The following NKAIN2 variants were observed in gnomAD, a reference collection of about 807,000 sequenced individuals.
NKAIN2 encodes sodium/potassium-transporting ATPase subunit beta-1-interacting protein 2.
In NKAIN2, 14 loss-of-function variants were observed where a neutral mutation model predicts 32.6. The ratio of observed to expected loss-of-function variants is 0.43; its 90% confidence interval spans 0.28 to 0.67. The LOEUF is 0.67. Ranked by LOEUF, NKAIN2 falls within the 30% of genes least tolerant of loss-of-function variation. The probability of loss-of-function intolerance (pLI) is 0.17; values close to 1 mark genes in which losing one functional copy is unlikely to be tolerated. For missense variants in NKAIN2, 198 were observed against 258.3 expected, an observed-to-expected ratio of 0.77 and a Z score of 1.60; for synonymous variants, 80 against 87.2, an observed-to-expected ratio of 0.92 and a Z score of 0.46.
chr6:123,876,182 T>A (rs919023227), intron 1 of NKAIN2, among the ~76,000 whole-genome samples: 2 of 152,202 alleles, frequency 1.3e-5, no homozygotes, highest in African/African-American at 4.8e-5. Context: ...GAAGTCTGTC[T>A]GCTCATACAT....
At chr6:124,550,680 T>C (rs1197413300) in intron 3 of NKAIN2, among the ~76,000 whole-genome samples, 1 of 152,116 alleles carries the variant, frequency 6.6e-6, no homozygotes, top group African/African-American at 2.4e-5. Flanking sequence ...GCAGGAATAG[T>C]GATGCTTTTA....
chr6:124,370,934 A>G (rs929364313), intron 3 of NKAIN2, among the ~76,000 whole-genome samples: 3 of 152,102 alleles, frequency 2.0e-5, no homozygotes, highest in African/African-American at 7.2e-5. Flanking sequence ...CTCTGGTTTT[A>G]TGAGTACAAG....
intron 1 of NKAIN2, among the ~76,000 whole-genome samples, chr6:123,996,649 T>C (rs1779631804): frequency 6.6e-6 from 1 of 152,172 alleles, no homozygotes. Flanking sequence ...CTTTGCCTTA[T>C]TTATATTTTG....
chr6:124,522,661 A>G (rs573910543), intron 3 of NKAIN2, among the ~76,000 whole-genome samples: 14 of 152,266 alleles, frequency 9.2e-5, no homozygotes, highest in African/African-American at 3.1e-4. Flanking sequence ...ATTTTATCTT[A>G]TATATGAGTT....
chr6:124,110,703 G>C (rs146829199), intron 1 of NKAIN2, among the ~76,000 whole-genome samples: 8 of 152,080 alleles, frequency 5.3e-5, no homozygotes, highest in South Asian at 4.2e-4. Context: ...ATCTGCATCC[G>C]TGTTGCTGCA....
intron 5 of NKAIN2, among the ~76,000 whole-genome samples, chr6:124,807,346 T>C (rs1414876218): frequency 8.0e-5 from 12 of 150,242 alleles, no homozygotes; most frequent in East Asian, 3.9e-4. Flanking sequence ...CACTCAAAAC[T>C]GCTCAACTAC....
intron 2 of NKAIN2, among the ~76,000 whole-genome samples, chr6:124,330,680 A>T (rs551809910): frequency 6.6e-6 from 1 of 152,282 alleles, no homozygotes; most frequent in African/African-American, 2.4e-5. Context: ...AAAGGAACAC[A>T]TGGGATGTTC....
chr6:124,075,632 G>C (rs911171101), intron 1 of NKAIN2, among the ~76,000 whole-genome samples: 1 of 152,120 alleles, frequency 6.6e-6, no homozygotes, highest in Non-Finnish European at 1.5e-5. Context: ...GTCTTGATGT[G>C]TTGGCCAGCC....
chr6:124,084,200 T>C (rs1437278051), intron 1 of NKAIN2, among the ~76,000 whole-genome samples: 1 of 151,950 alleles, frequency 6.6e-6, no homozygotes, highest in Non-Finnish European at 1.5e-5. Flanking sequence ...ACATTATATC[T>C]CTTGTATCTC....
At chr6:124,448,160 A>C (rs917706232) in intron 3 of NKAIN2, among the ~76,000 whole-genome samples, 2 of 152,082 alleles carry the variant, frequency 1.3e-5, no homozygotes, top group Non-Finnish European at 2.9e-5. Context: ...CTGTAAAATG[A>C]AGCATTGGAA....
intron 1 of NKAIN2, among the ~76,000 whole-genome samples, chr6:124,156,850 T>A (rs1286158306): frequency 6.6e-6 from 1 of 151,954 alleles, no homozygotes; most frequent in East Asian, 1.9e-4. Context: ...ACCCCTGTAA[T>A]CCCAGCACTT....
intron 5 of NKAIN2, among the ~76,000 whole-genome samples, chr6:124,803,767 T>A (rs76623367): frequency 0.011 from 1,599 of 152,282 alleles, 26 homozygotes; most frequent in African/African-American, 0.037. Context: ...CTTTTGAGCC[T>A]TGTCTCCATC....
chr6:124,289,724 C>T (rs1795715524), intron 2 of NKAIN2, among the ~76,000 whole-genome samples: 1 of 152,100 alleles, frequency 6.6e-6, no homozygotes, highest in Non-Finnish European at 1.5e-5. Context: ...TCTCCATTTT[C>T]CAGGTCATAT....
chr6:123,973,158 C>T (rs1224292029), intron 1 of NKAIN2, among the ~76,000 whole-genome samples: 1 of 152,084 alleles, frequency 6.6e-6, no homozygotes, highest in Non-Finnish European at 1.5e-5. Context: ...GCTGTTCTCT[C>T]CCTAATATAT....
intron 2 of NKAIN2, among the ~76,000 whole-genome samples, chr6:124,301,467 A>G (rs1796290198): frequency 6.6e-6 from 1 of 152,042 alleles, no homozygotes; most frequent in African/African-American, 2.4e-5. Context: ...AGCTGTGAGA[A>G]GAAGGCCACC....
intron 1 of NKAIN2, among the ~76,000 whole-genome samples, chr6:124,152,687 A>G (rs962284599): frequency 1.3e-4 from 20 of 151,992 alleles, no homozygotes; most frequent in African/African-American, 4.3e-4. Context: ...ACGAAAATCA[A>G]TATATTGAAG....
At chr6:124,243,063 A>G (rs1793198134) in intron 1 of NKAIN2, among the ~76,000 whole-genome samples, 1 of 151,222 alleles carries the variant, frequency 6.6e-6, no homozygotes, top group South Asian at 2.1e-4. Context: ...CCAAGGGCGG[A>G]GTAAAAGGAG....
At chr6:124,612,438 A>C (rs1309017374) in intron 3 of NKAIN2, among the ~76,000 whole-genome samples, 1 of 152,216 alleles carries the variant, frequency 6.6e-6, no homozygotes, top group African/African-American at 2.4e-5. Context: ...CTATGGTAGA[A>C]GTATTTAAAA....
chr6:123,972,820 G>C (rs543837012), intron 1 of NKAIN2, among the ~76,000 whole-genome samples: 1 of 152,158 alleles, frequency 6.6e-6, no homozygotes, highest in African/African-American at 2.4e-5. Context: ...CATGGGATTG[G>C]AAATTTTGGC....
Sources: gnomAD v4.1 joint callset for allele counts (sites outside exome capture counted in the v4.1 genomes callset) on GRCh38, gnomAD v4.1.1 for gene constraint, MANE v1.5 for transcripts, NCBI Gene and HGNC (gene_info 2026-07-23, HGNC 2026-07-21) for gene names.